Variants in NFASC observed in about 807,000 individuals in gnomAD.
NFASC encodes the protein neurofascin homolog.
A neutral mutation model predicts 147.5 loss-of-function variants in NFASC; 43 were observed. The ratio of observed to expected loss-of-function variants is 0.29; its 90% CI spans 0.23 to 0.38. NFASC has a LOEUF of 0.38. Ranked by LOEUF, NFASC falls within the 10% of genes least tolerant of loss-of-function variation. The probability of loss-of-function intolerance (pLI) is 1.00; values close to 1 mark genes in which losing one functional copy is unlikely to be tolerated. For missense variants in NFASC, 1,320 were observed against 1,689.0 expected (o/e 0.78, Z 3.83); for synonymous variants, 622 against 665.5 (o/e 0.93, Z 1.01).
chr1:204,947,387 C>G (rs1439944179), intron 3 of NFASC, among the ~76,000 whole-genome samples: 1 of 152,174 alleles, frequency 6.6e-6, no homozygotes. Flanking sequence ...GAAGATCAGG[C>G]ATTCTTAACG....
At chr1:204,849,008 T>G (rs2075421213) in intron 1 of NFASC, among the ~76,000 whole-genome samples, 1 of 152,244 alleles carries the variant, frequency 6.6e-6, no homozygotes, top group South Asian at 2.1e-4. Context: ...GGCAGGCCTG[T>G]CCCTGGGGAC....
At chr1:204,998,095 G>A (rs1327391862) in intron 25 of NFASC, 3 of 153,400 alleles carry the variant, frequency 2.0e-5, no homozygotes, top group Non-Finnish European at 4.3e-5. Context: ...CATTCTCAGA[G>A]CCCCTGGTAA....
intron 24 of NFASC, among the ~76,000 whole-genome samples, chr1:204,996,002 T>C (rs2095838940): frequency 6.6e-6 from 1 of 152,096 alleles, no homozygotes. Flanking sequence ...GGAGATCCAG[T>C]GCAAGGAGGA....
At chr1:205,009,758 C>T in intron 28 of NFASC, 70 bp downstream of exon 28, 1 of 1,504,964 alleles carries the variant, frequency 6.6e-7, no homozygotes, top group South Asian at 1.2e-5. Flanking sequence ...TCCAGGTCTC[C>T]AGCCAGATCC....
chr1:204,959,218 C>G (rs2094555295), intron 8 of NFASC, among the ~76,000 whole-genome samples: 1 of 152,148 alleles, frequency 6.6e-6, no homozygotes. Context: ...TCCTGCCTTG[C>G]AGTGTCCCCA....
At chr1:204,952,916 G>A (rs1212486200) in intron 5 of NFASC, among the ~76,000 whole-genome samples, 2 of 152,094 alleles carry the variant, frequency 1.3e-5, no homozygotes, top group Non-Finnish European at 2.9e-5. Flanking sequence ...CTTTATTCTG[G>A]CCTCCTGGGT....
chr1:204,872,390 T>C (rs1025570288), intron 1 of NFASC, among the ~76,000 whole-genome samples: 1 of 152,210 alleles, frequency 6.6e-6, no homozygotes, highest in Non-Finnish European at 1.5e-5. Flanking sequence ...CCTCCCACGG[T>C]CTGAAGGAGC....
chr1:204,967,551 G>A (rs969560288), intron 8 of NFASC, among the ~76,000 whole-genome samples: 3 of 151,922 alleles, frequency 2.0e-5, no homozygotes, highest in South Asian at 2.1e-4. Context: ...CCAACTTGGC[G>A]GCCACTTTTC....
chr1:204,922,199 A>G (rs546821595), intron 2 of NFASC, among the ~76,000 whole-genome samples: 28 of 152,168 alleles, frequency 1.8e-4, no homozygotes, highest in African/African-American at 6.5e-4. Context: ...GCACTTTCCC[A>G]TGCACCCTTC....
intron 4 of NFASC, among the ~76,000 whole-genome samples, chr1:204,951,315 ATTTTT>A (rs33974199): frequency 8.4e-6 from 1 of 118,812 alleles, no homozygotes; most frequent in African/African-American, 3.2e-5. Context: ...TGCCCGGCTA[ATTTTT>A]TTTTTTTTTT....
intron 1 of NFASC, among the ~76,000 whole-genome samples, chr1:204,844,956 C>T (rs1262981450): frequency 1.3e-5 from 2 of 152,104 alleles, no homozygotes; most frequent in East Asian, 3.9e-4. Flanking sequence ...CTGCGTTTAG[C>T]TTCCCTATCT....
At chr1:204,874,459 TG>T (rs1276739360) in intron 1 of NFASC, among the ~76,000 whole-genome samples, 1 of 152,222 alleles carries the variant, frequency 6.6e-6, no homozygotes, top group Non-Finnish European at 1.5e-5. Flanking sequence ...TCTGGCTGCT[TG>T]GGGGCCTGGG....
intron 2 of NFASC, among the ~76,000 whole-genome samples, chr1:204,929,059 A>T (rs2092066761): frequency 6.6e-6 from 1 of 152,144 alleles, no homozygotes; most frequent in South Asian, 2.1e-4. Flanking sequence ...GTTGAGCAGG[A>T]AACAGCTGTT....
At chr1:204,927,376 A>G (rs1305820587) in intron 2 of NFASC, among the ~76,000 whole-genome samples, 2 of 152,184 alleles carry the variant, frequency 1.3e-5, no homozygotes, top group African/African-American at 4.8e-5. Flanking sequence ...ATGTTTTGAG[A>G]GTTCCCCACA....
chr1:204,935,319 G>C (rs574672734), intron 2 of NFASC, among the ~76,000 whole-genome samples: 21 of 152,312 alleles, frequency 1.4e-4, no homozygotes, highest in African/African-American at 5.1e-4. Context: ...TTTATTCAGA[G>C]CTTGCTACAG....
chr1:204,874,894 C>T (rs1003609426), intron 1 of NFASC, among the ~76,000 whole-genome samples: 1 of 152,286 alleles, frequency 6.6e-6, no homozygotes, highest in East Asian at 1.9e-4. Context: ...TGGCATCATA[C>T]TTTCTGGCTA....
At chr1:204,903,125 C>G (rs1266050568) in intron 1 of NFASC, among the ~76,000 whole-genome samples, 1 of 152,188 alleles carries the variant, frequency 6.6e-6, no homozygotes, top group Admixed American at 6.5e-5. Context: ...CCAAGTCCCC[C>G]CTACCCCCAC....
In NFASC at chr1:204,950,644, T is replaced by C. The variant is rs1365900517; in HGVS notation, c.109+70T>C. ...GAGGAATGAGGCATGAGGTGATACC[T>C]GGGGATTAGTGGCCTGCTGGGACTT... is the stretch of plus-strand genomic sequence containing the variant. On this transcript the variant is annotated intron_variant, in intron 4 of 29. Transcript: ENST00000339876. 6.3e-6 allele frequency: 9 copies of C among 1,420,302 alleles called. No homozygotes were observed. In the East Asian group the frequency reaches 1.9e-4, roughly 29 times the overall value. The allele number at this position is 1,420,302 out of a possible 1,614,324, so 88.0% of individuals were successfully genotyped here.
intron 2 of NFASC, among the ~76,000 whole-genome samples, chr1:204,926,406 A>ATTTTTTT (rs1202294421): frequency 7.8e-4 from 11 of 14,098 alleles, no homozygotes; most frequent in Non-Finnish European, 1.2e-3. Context: ...ATATATATAT[A>ATTTTTTT]TTTTTTTTTT....
Sources: allele counts gnomAD v4.1 joint callset (sites outside exome capture counted in the v4.1 genomes callset), GRCh38; gene constraint gnomAD v4.1.1; transcripts MANE v1.5; gene names NCBI Gene and HGNC (gene_info 2026-07-23, HGNC 2026-07-21).